A2M: variants seen among roughly 807,000 people sequenced by gnomAD.
A2M encodes the protein C3 and PZP-like alpha-2-macroglobulin domain-containing protein 5.
A neutral mutation model predicts 183.9 loss-of-function variants in A2M; 128 were observed. That is an observed-to-expected ratio of 0.70 (90% CI 0.60 to 0.81). The LOEUF is 0.81. Among genes scored for constraint, A2M ranks in the 30% least tolerant of loss-of-function variants. The pLI is 0.00. For missense variants in A2M, 1,495 were observed against 1,787.6 expected, an observed-to-expected ratio of 0.84 and a Z score of 2.95; for synonymous variants, 592 against 670.8, an observed-to-expected ratio of 0.88 and a Z score of 1.81.
intron 25 of A2M, 27 bp downstream of exon 25, chr12:9,079,217 A>C (rs748262494): frequency 5.0e-6 from 8 of 1,589,878 alleles, no homozygotes; most frequent in South Asian, 4.4e-5. Flanking sequence ...ACACAAAAAG[A>C]AGCTCAAAAA....
intron 20 of A2M, 63 bp downstream of exon 20, chr12:9,090,293 A>G: frequency 1.2e-6 from 2 of 1,608,884 alleles, no homozygotes; most frequent in Non-Finnish European, 1.7e-6. Flanking sequence ...CACTCAATAT[A>G]AGGTTCCCAC....
chr12:9,093,715 T>A, intron 17 of A2M, 136 bp from the exon 18 acceptor site: 1 of 512,538 alleles, frequency 2.0e-6, no homozygotes. Context: ...GAGAGGGCGC[T>A]TGGGTCATCA....
At chr12:9,088,163 T>C (rs1949103874) in intron 22 of A2M, among the ~76,000 whole-genome samples, 1 of 151,590 alleles carries the variant, frequency 6.6e-6, no homozygotes, top group Non-Finnish European at 1.5e-5. Flanking sequence ...CACAAACATA[T>C]ACATCTACAC....
At chr12:9,099,356 A>G (rs1031104746) in intron 14 of A2M, 25 bp downstream of exon 14, 2 of 1,548,656 alleles carry the variant, frequency 1.3e-6, no homozygotes, top group Admixed American at 3.9e-5. Flanking sequence ...TACATGTTGA[A>G]GATTTTATGA....
chr12:9,068,315 G>C, intron 34 of A2M, 91 bp from the exon 35 acceptor site: 3 of 1,338,972 alleles, frequency 2.2e-6, no homozygotes, highest in Non-Finnish European at 3.1e-6. Context: ...CAAGGAAGGA[G>C]TTTGTTGTGG....
chr12:9,090,029 A>T lies in A2M; in HGVS notation c.2597-6T>A. 6.3e-7 allele frequency: 1 copy of T among 1,582,908 alleles called. No individual in the cohort carries two copies. The highest frequency in any genetic ancestry group is 8.6e-7 in the Non-Finnish European group (1 of 1,157,686). The stretch of plus-strand genomic sequence containing the variant: ...CACAGTGAAATTCACATTTCCTGAA[A>T]AAAAAGGCCAGTAGAAATGAATAGC... On this transcript the variant is annotated splice_region_variant and splice_polypyrimidine_tract_variant and intron_variant, in intron 20 of 35. Transcript: ENST00000318602.
intron 8 of A2M, among the ~76,000 whole-genome samples, chr12:9,107,165 C>G (rs1291106058): frequency 6.6e-6 from 1 of 152,164 alleles, no homozygotes; most frequent in Admixed American, 6.5e-5. Flanking sequence ...TGTCAACTCT[C>G]TGGCATCTTG....
chr12:9,079,346 T>G lies in A2M; in HGVS notation c.3032-15A>C. The G allele has an allele frequency of 2.5e-6, 4 of 1,608,446 alleles. No individual in the cohort carries two copies. The highest frequency in any genetic ancestry group is 3.4e-6 in the Non-Finnish European group (4 of 1,175,078). On this transcript the variant is annotated splice_polypyrimidine_tract_variant and intron_variant, in intron 24 of 35. Transcript: ENST00000318602. Reference sequence around the variant, plus strand: ...TCTCTGGTAACCTGGAAAGGAAGATTAACGAAACAGCACAATGGATTAATG... The same window carrying G: ...TCTCTGGTAACCTGGAAAGGAAGATGAACGAAACAGCACAATGGATTAATG...
intron 10 of A2M, among the ~76,000 whole-genome samples, 181 bp from the exon 11 acceptor site, chr12:9,104,581 T>C (rs1301070273): frequency 5.9e-5 from 9 of 151,982 alleles, no homozygotes; most frequent in Non-Finnish European, 1.5e-5. Flanking sequence ...GTGAAAGAGA[T>C]AGATGCTAAA....
intron 32 of A2M, among the ~76,000 whole-genome samples, chr12:9,070,126 G>T (rs767512762): frequency 2.0e-5 from 3 of 151,888 alleles, no homozygotes; most frequent in Admixed American, 6.6e-5. Flanking sequence ...TTCCTGTTTT[G>T]CTTGCTCTAT....
intron 31 of A2M, 101 bp from the exon 32 acceptor site, chr12:9,070,679 G>GT (rs1948544985): frequency 6.6e-6 from 5 of 759,054 alleles, no homozygotes; most frequent in Non-Finnish European, 1.1e-5. Context: ...AAAGGTACAC[G>GT]TAAGTCTTCC....
chr12:9,068,644 T>G, intron 34 of A2M, 96 bp downstream of exon 34: 2 of 975,970 alleles, frequency 2.0e-6, no homozygotes, highest in Non-Finnish European at 3.2e-6. Context: ...GATAATGTAA[T>G]TACTTAATGT....
intron 14 of A2M, 78 bp from the exon 15 acceptor site, chr12:9,098,834 C>A: frequency 6.6e-7 from 1 of 1,507,696 alleles, no homozygotes; most frequent in Non-Finnish European, 9.0e-7. Flanking sequence ...GCAGAGTGTT[C>A]CTCATGTACA....
Position 9,109,346 on chromosome 12 carries a change from C to T in A2M, c.733G>A (p.Glu245Lys), listed in dbSNP as rs771081208. The change falls in exon 7 of 36, where the codon GAG becomes AAG. Residue 245 changes from glutamate (E) to lysine (K), a missense_variant. Glu to Lys is a moderately conservative substitution (Grantham distance 56). Coordinates refer to ENST00000318602, the MANE Select transcript of A2M (RefSeq NM_000014.6). ...AGGCCACACACTGATACATTCATCT[C>T]TTCTTCCAAGATGGTGATTATCTTT... ...VPKIITILEEEMNVSVCGLYT... is the reference protein window; with the variant it reads ...VPKIITILEEKMNVSVCGLYT... 13 of 1,613,214 alleles carry T rather than the reference C, an allele frequency of 8.1e-6. No individual in the cohort carries two copies. Among genetic ancestry groups the T allele is most frequent in the Non-Finnish European group, 1.0e-5 (12 of 1,179,474 alleles).
chr12:9,078,200 C>G (rs1402509266), intron 25 of A2M, among the ~76,000 whole-genome samples: 2 of 152,180 alleles, frequency 1.3e-5, no homozygotes, highest in Non-Finnish European at 2.9e-5. Flanking sequence ...TCACCCCACA[C>G]CTCCCAACAG....
chr12:9,070,825 ATT>A (rs11438631), intron 31 of A2M, among the ~76,000 whole-genome samples: 1 of 145,834 alleles, frequency 6.9e-6, no homozygotes, highest in Non-Finnish European at 1.5e-5. Context: ...GAGGATCTGC[ATT>A]TTTTTTTTTT....
chr12:9,075,272 T>A (rs1805681), intron 28 of A2M, among the ~76,000 whole-genome samples: 57,510 of 151,990 alleles, frequency 0.38, 11,625 homozygotes, highest in African/African-American at 0.49. Flanking sequence ...TGGGAACCAA[T>A]ATACACTGCT....
chr12:9,112,295 T>A, intron 3 of A2M, 82 bp downstream of exon 3: 1 of 1,604,602 alleles, frequency 6.2e-7, no homozygotes, highest in Non-Finnish European at 8.5e-7. Context: ...GAACCAAGAT[T>A]ATAGGAACTT....
intron 17 of A2M, among the ~76,000 whole-genome samples, 169 bp from the exon 18 acceptor site, chr12:9,093,748 A>G (rs187401027): frequency 6.8e-4 from 104 of 152,134 alleles, no homozygotes; most frequent in East Asian, 9.7e-4. Context: ...TTGAGGAGGA[A>G]ATATGTTGGT....
Sources: allele counts gnomAD v4.1 joint callset (sites outside exome capture counted in the v4.1 genomes callset), GRCh38; gene constraint gnomAD v4.1.1; transcripts MANE v1.5; gene names NCBI Gene and HGNC (gene_info 2026-07-23, HGNC 2026-07-21).